NLGN1: variants seen among roughly 807,000 people sequenced by gnomAD.
NLGN1 encodes the protein neuroligin-1.
Under a neutral mutation model 65.5 loss-of-function variants are expected in NLGN1, and 12 were observed. The observed-to-expected ratio is 0.18, with a 90% CI of 0.12 to 0.30. The LOEUF is 0.30. Ranked by LOEUF, NLGN1 falls within the 10% of genes least tolerant of loss-of-function variation. The pLI is 1.00. For synonymous variants in NLGN1, 350 were observed against 359.5 expected (o/e 0.97, Z 0.30); for missense variants, 750 against 1,007.1 (o/e 0.74, Z 3.46).
At chr3:173,649,086 A>G (rs550774243) in intron 3 of NLGN1, among the ~76,000 whole-genome samples, 30 of 152,348 alleles carry the variant, frequency 2.0e-4, no homozygotes, top group African/African-American at 6.7e-4. Context: ...GAAGGAATTA[A>G]CTATTGAATA....
intron 2 of NLGN1, among the ~76,000 whole-genome samples, chr3:173,519,898 A>G (rs530681047): frequency 2.0e-5 from 3 of 152,202 alleles, no homozygotes; most frequent in Admixed American, 2.0e-4. Context: ...TATGATTTGT[A>G]TCTGTATCCC....
intron 2 of NLGN1, among the ~76,000 whole-genome samples, chr3:173,568,807 C>T (rs909222715): frequency 3.3e-5 from 5 of 152,102 alleles, no homozygotes; most frequent in African/African-American, 7.2e-5. Flanking sequence ...TGGAGTAGCT[C>T]GGACTACAGA....
At chr3:173,987,762 G>T (rs1415700943) in intron 4 of NLGN1, among the ~76,000 whole-genome samples, 1 of 152,154 alleles carries the variant, frequency 6.6e-6, no homozygotes, top group Non-Finnish European at 1.5e-5. Flanking sequence ...TTGAGAATAT[G>T]CCATACTGTG....
chr3:174,137,820 AGG>A (rs1721494401), intron 4 of NLGN1, among the ~76,000 whole-genome samples: 1 of 152,188 alleles, frequency 6.6e-6, no homozygotes, highest in Non-Finnish European at 1.5e-5. Flanking sequence ...TTAGGTAGAA[AGG>A]GGCATTACTA....
chr3:173,959,961 C>T (rs769164190), intron 4 of NLGN1, among the ~76,000 whole-genome samples: 5 of 151,946 alleles, frequency 3.3e-5, no homozygotes, highest in Non-Finnish European at 5.9e-5. Context: ...GTTTAATCAA[C>T]CATATATTTT....
intron 1 of NLGN1, among the ~76,000 whole-genome samples, chr3:173,415,943 A>AGAGAGAGAGAGCGAGCGAGC (rs141095727): frequency 1.3e-4 from 19 of 142,826 alleles, no homozygotes; most frequent in African/African-American, 4.8e-4. Flanking sequence ...AGAGAGAGAG[A>AGAGAGAGAGAGCGAGCGAGC]GCTTGGTATA....
At chr3:174,014,437 C>T (rs1306877910) in intron 4 of NLGN1, among the ~76,000 whole-genome samples, 1 of 152,184 alleles carries the variant, frequency 6.6e-6, no homozygotes, top group African/African-American at 2.4e-5. Context: ...CGTCTTTCAA[C>T]ATTCTACTTA....
At position 174,078,994 on chromosome 3, in the gene NLGN1, C is replaced by T. The variant is rs554990704; in HGVS notation, c.647-196321C>T. On this transcript the variant is annotated intron_variant, in intron 4 of 6. Transcript: ENST00000457714. ...TAGTGACACAAGTACCGTAATACAA[C>T]GGTGTGTGTGTGTGTGTGTATGTAA... Among the ~76,000 whole-genome samples, 151 of 151,434 alleles carry T rather than the reference C, an allele frequency of 1.0e-3. 2 individuals are homozygous for T. The highest frequency in any genetic ancestry group is 3.6e-3 in the African/African-American group (147 of 41,114).
chr3:173,436,647 G>A (rs1718191300), intron 2 of NLGN1, among the ~76,000 whole-genome samples: 2 of 152,194 alleles, frequency 1.3e-5, no homozygotes, highest in African/African-American at 4.8e-5. Context: ...GCCTTGAGAA[G>A]CTAACCTTGA....
intron 4 of NLGN1, among the ~76,000 whole-genome samples, chr3:173,890,501 C>T (rs886692312): frequency 2.0e-5 from 3 of 152,192 alleles, no homozygotes; most frequent in South Asian, 2.1e-4. Context: ...ACTCTTGAAC[C>T]CTTTTCCCTG....
chr3:173,604,554 G>T (rs763264352), exon 3 of NLGN1: 2 of 1,596,476 alleles, frequency 1.3e-6, no homozygotes, highest in Non-Finnish European at 8.6e-7. Context: ...ATATAAATAC[G>T]TTTGCCTCAC....
At chr3:173,954,821 G>A (rs919360435) in intron 4 of NLGN1, among the ~76,000 whole-genome samples, 3 of 151,962 alleles carry the variant, frequency 2.0e-5, no homozygotes, top group Non-Finnish European at 4.4e-5. Context: ...ACATATATAT[G>A]CACACATACA....
intron 3 of NLGN1, among the ~76,000 whole-genome samples, chr3:173,767,615 T>C (rs964713372): frequency 3.9e-5 from 6 of 152,246 alleles, no homozygotes; most frequent in African/African-American, 9.6e-5. Flanking sequence ...TGGTTTAAAT[T>C]GTCCAGCCAA....
chr3:174,049,245 T>C (rs1560921196), intron 4 of NLGN1, among the ~76,000 whole-genome samples: 1 of 152,052 alleles, frequency 6.6e-6, no homozygotes, highest in African/African-American at 2.4e-5. Context: ...CTATTGATAT[T>C]TTCGAAAAAG....
At chr3:173,980,655 AC>A (rs1718584155) in intron 4 of NLGN1, among the ~76,000 whole-genome samples, 2 of 152,220 alleles carry the variant, frequency 1.3e-5, no homozygotes, top group South Asian at 2.1e-4. Flanking sequence ...TTCAAAAAAA[AC>A]ATTGTATAAT....
chr3:174,037,439 A>C (rs1731381016), intron 4 of NLGN1, among the ~76,000 whole-genome samples: 1 of 152,208 alleles, frequency 6.6e-6, no homozygotes, highest in Non-Finnish European at 1.5e-5. Flanking sequence ...CTCTACCAGC[A>C]TGACTATACT....
At chr3:173,748,426 T>C (rs1240051919) in intron 3 of NLGN1, among the ~76,000 whole-genome samples, 1 of 151,930 alleles carries the variant, frequency 6.6e-6, no homozygotes, top group African/African-American at 2.4e-5. Context: ...GGGAAGAAAA[T>C]GTTGTAATGG....
At chr3:173,931,340 C>A (rs1312841906) in intron 4 of NLGN1, among the ~76,000 whole-genome samples, 6 of 151,994 alleles carry the variant, frequency 3.9e-5, no homozygotes, top group Admixed American at 2.6e-4. Context: ...GAAGAAAAAA[C>A]AAAGCATAGA....
At chr3:173,494,908 A>G (rs1476329912) in intron 2 of NLGN1, among the ~76,000 whole-genome samples, 1 of 151,850 alleles carries the variant, frequency 6.6e-6, no homozygotes, top group Non-Finnish European at 1.5e-5. Flanking sequence ...AGTCTTGATT[A>G]TTGAGAATTG....
Sources: allele counts gnomAD v4.1 joint callset (sites outside exome capture counted in the v4.1 genomes callset), GRCh38; gene constraint gnomAD v4.1.1; transcripts MANE v1.5; gene names NCBI Gene and HGNC (gene_info 2026-07-23, HGNC 2026-07-21).